Variants in SP4 observed in about 807,000 individuals in gnomAD.
The protein encoded by SP4 is Sp4 transcription factor, also known as transcription factor Sp4.
Under a neutral mutation model 72.8 loss-of-function variants are expected in SP4, and 19 were observed. That is an observed-to-expected ratio of 0.26 (90% CI 0.18 to 0.38). SP4 has a LOEUF of 0.38. SP4 is among the 10% of genes least tolerant of loss of function. The probability of loss-of-function intolerance (pLI) is 1.00; values close to 1 mark genes in which losing one functional copy is unlikely to be tolerated. For missense variants in SP4, 1,008 were observed against 926.3 expected, an observed-to-expected ratio of 1.09 and a Z score of -1.14; for synonymous variants, 395 against 333.1, an observed-to-expected ratio of 1.19 and a Z score of -2.02.
At chr7:21,469,262 A>G (rs1049211975) in intron 3 of SP4, among the ~76,000 whole-genome samples, 11 of 152,188 alleles carry the variant, frequency 7.2e-5, no homozygotes, top group African/African-American at 2.7e-4. Context: ...TTTATATAGT[A>G]AAGTTGTATC....
At chr7:21,479,823 G>C (rs547340882) in intron 4 of SP4, among the ~76,000 whole-genome samples, 2 of 152,238 alleles carry the variant, frequency 1.3e-5, no homozygotes, top group South Asian at 4.2e-4. Context: ...ATAGTTTTCA[G>C]AGTATACATT....
At chr7:21,473,665 G>A (rs551904955) in intron 3 of SP4, among the ~76,000 whole-genome samples, 1 of 152,192 alleles carries the variant, frequency 6.6e-6, no homozygotes, top group African/African-American at 2.4e-5. Context: ...AAAGAGGAGA[G>A]ATTTGAACTC....
At chr7:21,439,058 T>G (rs1783144917) in intron 3 of SP4, among the ~76,000 whole-genome samples, 3 of 152,190 alleles carry the variant, frequency 2.0e-5, no homozygotes. Flanking sequence ...ATGTATAGGG[T>G]TCAGGCCATG....
intron 5 of SP4, among the ~76,000 whole-genome samples, chr7:21,497,486 CT>C (rs1442637172): frequency 6.6e-6 from 1 of 151,632 alleles, no homozygotes; most frequent in East Asian, 2.0e-4. Flanking sequence ...GAAATGGTTG[CT>C]TTTGACAGTT....
In SP4 at chr7:21,502,463, A is replaced by T. The variant is rs544955225; in HGVS notation, c.2108-8559A>T. 4.6e-5 allele frequency among the ~76,000 whole-genome samples: 7 copies of T among 152,154 alleles called. No homozygotes were observed. In the East Asian group the frequency reaches 1.4e-3, roughly 29 times the overall value. ...CGGGAAAGAGCAATGACAGACTCTT[A>T]CAAGTCTCATTTTCCCATGCATCCT... On this transcript the variant is annotated intron_variant, in intron 5 of 5. Coordinates refer to ENST00000222584, the MANE Select transcript of SP4 (RefSeq NM_003112.5).
At chr7:21,465,823 A>G (rs1414503336) in intron 3 of SP4, among the ~76,000 whole-genome samples, 1 of 152,120 alleles carries the variant, frequency 6.6e-6, no homozygotes, top group East Asian at 1.9e-4. Flanking sequence ...TGATTGCACT[A>G]CTGCACTGCA....
In SP4 at chr7:21,506,937, C is replaced by T. The variant is rs187246303; in HGVS notation, c.2108-4085C>T. Among the ~76,000 whole-genome samples, 92 of 152,264 alleles carry T rather than the reference C, an allele frequency of 6.0e-4. 1 individual carries two copies. The highest frequency in any genetic ancestry group is 2.1e-4 in the Non-Finnish European group (14 of 68,016). On this transcript the variant is annotated intron_variant, in intron 5 of 5. Transcript: ENST00000222584. ...TGGAGATCCTACATTTGGGCGCAGT[C>T]CCTGGGATCATTATTATCCCATTCA...
chr7:21,432,374 A>G (rs908527703), intron 3 of SP4, among the ~76,000 whole-genome samples: 1 of 152,238 alleles, frequency 6.6e-6, no homozygotes, highest in East Asian at 1.9e-4. Flanking sequence ...GTTGAATGAC[A>G]GTTTGCATTG....
intron 5 of SP4, among the ~76,000 whole-genome samples, chr7:21,501,697 T>A (rs534091142): frequency 6.6e-6 from 1 of 152,336 alleles, no homozygotes; most frequent in East Asian, 1.9e-4. Context: ...TTTCTGCCAG[T>A]TCATTGGCTA....
intron 5 of SP4, among the ~76,000 whole-genome samples, chr7:21,488,101 G>A (rs144840235): frequency 7.3e-4 from 111 of 152,228 alleles, no homozygotes; most frequent in African/African-American, 2.4e-3. Context: ...CTGAGCTCAA[G>A]CAATCCATCC....
intron 4 of SP4, among the ~76,000 whole-genome samples, chr7:21,481,443 G>T (rs1055433456): frequency 6.6e-6 from 1 of 152,126 alleles, no homozygotes; most frequent in African/African-American, 2.4e-5. Context: ...TTTATTTGCT[G>T]TTATTTGCTT....
At chr7:21,486,229 T>C (rs1409993697) in intron 5 of SP4, among the ~76,000 whole-genome samples, 1 of 151,990 alleles carries the variant, frequency 6.6e-6, no homozygotes, top group Non-Finnish European at 1.5e-5. Flanking sequence ...TTTATTTTTA[T>C]TTTGAAATAA....
intron 3 of SP4, among the ~76,000 whole-genome samples, chr7:21,450,612 T>G (rs548306159): frequency 6.6e-6 from 1 of 152,176 alleles, no homozygotes; most frequent in Non-Finnish European, 1.5e-5. Context: ...GATATAATTA[T>G]GGTGGAAGAA....
intron 2 of SP4, 151 bp from the exon 3 acceptor site, chr7:21,429,137 CT>C: frequency 1.7e-6 from 1 of 595,538 alleles, no homozygotes; most frequent in South Asian, 2.2e-5. Flanking sequence ...TTCTTATCTA[CT>C]TTTGTTCGTA....
At chr7:21,473,050 T>A (rs1201282631) in intron 3 of SP4, among the ~76,000 whole-genome samples, 1 of 152,220 alleles carries the variant, frequency 6.6e-6, no homozygotes. Context: ...TGATTAAATG[T>A]TATTGAGCAC....
At chr7:21,428,645 T>A in intron 1 of SP4, 32 bp from the exon 2 acceptor site, 1 of 1,493,000 alleles carries the variant, frequency 6.7e-7, no homozygotes, top group Non-Finnish European at 9.1e-7. Context: ...TAACCTGTTG[T>A]CGTGTGTGTG....
intron 3 of SP4, among the ~76,000 whole-genome samples, chr7:21,469,635 G>A (rs753559837): frequency 6.7e-5 from 10 of 149,976 alleles, no homozygotes; most frequent in Admixed American, 2.0e-4. Context: ...TCCGCCTCCC[G>A]GATCCAAGTG....
intron 3 of SP4, among the ~76,000 whole-genome samples, chr7:21,474,149 A>G (rs576527864): frequency 6.6e-6 from 1 of 152,278 alleles, no homozygotes; most frequent in Admixed American, 6.5e-5. Flanking sequence ...AGGGATCAGG[A>G]ATCTCTAGCA....
intron 3 of SP4, 140 bp downstream of exon 3, chr7:21,430,983 C>T (rs1032725105): frequency 1.6e-6 from 1 of 623,854 alleles, no homozygotes; most frequent in African/African-American, 1.8e-5. Flanking sequence ...CAATATTATA[C>T]TAACAAACAT....
Sources: allele counts gnomAD v4.1 joint callset (sites outside exome capture counted in the v4.1 genomes callset), GRCh38; gene constraint gnomAD v4.1.1; transcripts MANE v1.5; gene names NCBI Gene and HGNC (gene_info 2026-07-23, HGNC 2026-07-21).